Variants in NAV3 observed in about 807,000 individuals in gnomAD.
The protein encoded by NAV3 is pore membrane and/or filament interacting like protein 1.
NAV3 carries 87 observed loss-of-function variants against 244.7 expected under a neutral mutation model. The ratio of observed to expected loss-of-function variants is 0.36; its 90% confidence interval spans 0.30 to 0.42. The LOEUF (loss-of-function observed/expected upper bound fraction) is 0.42. NAV3 is among the 20% of genes least tolerant of loss of function. The pLI is 1.00. For missense variants in NAV3, 2,663 were observed against 2,893.3 expected, an observed-to-expected ratio of 0.92 and a Z score of 1.83; for synonymous variants, 1,126 against 1,042.2, an observed-to-expected ratio of 1.08 and a Z score of -1.55.
chr12:77,581,427 C>T (rs1348357550), intron 2 of NAV3, among the ~76,000 whole-genome samples: 1 of 152,114 alleles, frequency 6.6e-6, no homozygotes, highest in East Asian at 1.9e-4. Flanking sequence ...TTTCCTGCCA[C>T]ATATTACACT....
intron 2 of NAV3, among the ~76,000 whole-genome samples, chr12:77,641,338 C>G (rs548748994): frequency 2.3e-4 from 35 of 152,110 alleles, no homozygotes; most frequent in African/African-American, 6.3e-4. Context: ...GATGACATCA[C>G]AGAGCGGCAG....
chr12:77,835,097 G>A (rs1330951630), intron 1 of NAV3, among the ~76,000 whole-genome samples: 21 of 152,054 alleles, frequency 1.4e-4, no homozygotes, highest in Admixed American at 1.3e-3. Flanking sequence ...AGGGAACCAG[G>A]CTCTATTTTG....
At chr12:78,140,390 A>G in intron 20 of NAV3, 56 bp downstream of exon 20, 1 of 1,376,024 alleles carries the variant, frequency 7.3e-7, no homozygotes, top group Non-Finnish European at 1.0e-6. Context: ...ACAGATGATG[A>G]AATAGATCAT....
chr12:77,833,110 T>A (rs1873999880), intron 1 of NAV3, among the ~76,000 whole-genome samples: 1 of 152,176 alleles, frequency 6.6e-6, no homozygotes, highest in Non-Finnish European at 1.5e-5. Context: ...TCCCCACCAT[T>A]CCTCCTTCCC....
intron 2 of NAV3, among the ~76,000 whole-genome samples, chr12:77,643,802 G>T: frequency 6.6e-6 from 1 of 151,916 alleles, no homozygotes; most frequent in Non-Finnish European, 1.5e-5. Context: ...TTGCATATTA[G>T]GCAAGTATCA....
At chr12:78,081,133 T>C (rs1953328046) in intron 12 of NAV3, among the ~76,000 whole-genome samples, 2 of 152,208 alleles carry the variant, frequency 1.3e-5, no homozygotes, top group South Asian at 4.1e-4. Context: ...TTAATGTATA[T>C]ATTAAATATT....
intron 26 of NAV3, among the ~76,000 whole-genome samples, chr12:78,176,842 A>G (rs1386350899): frequency 6.6e-6 from 1 of 152,132 alleles, no homozygotes; most frequent in Non-Finnish European, 1.5e-5. Context: ...AGCATTGGGA[A>G]TGGAGATCCC....
At chr12:77,948,855 A>G (rs984661973) in intron 3 of NAV3, among the ~76,000 whole-genome samples, 3 of 151,916 alleles carry the variant, frequency 2.0e-5, no homozygotes, top group Admixed American at 6.6e-5. Context: ...GATAGTTTAT[A>G]TATTTAAATT....
chr12:77,678,640 C>G (rs533572994), intron 2 of NAV3, among the ~76,000 whole-genome samples: 61 of 152,204 alleles, frequency 4.0e-4, no homozygotes, highest in African/African-American at 1.4e-3. Flanking sequence ...TTCTAATGAC[C>G]AGCTCAATTG....
chr12:77,892,779 A>T (rs1480665068), intron 1 of NAV3, among the ~76,000 whole-genome samples: 1 of 152,182 alleles, frequency 6.6e-6, no homozygotes, highest in Non-Finnish European at 1.5e-5. Flanking sequence ...AAATTATTTG[A>T]ACCTATTAAA....
At chr12:77,584,879 T>C (rs948824898) in intron 2 of NAV3, among the ~76,000 whole-genome samples, 1 of 152,184 alleles carries the variant, frequency 6.6e-6, no homozygotes, top group African/African-American at 2.4e-5. Context: ...AAAAGGATTG[T>C]CAAATTCTGT....
chr12:78,207,047 G>A (rs150536167), intron 39 of NAV3, among the ~76,000 whole-genome samples: 253 of 151,644 alleles, frequency 1.7e-3, no homozygotes, highest in African/African-American at 5.8e-3. Flanking sequence ...TAATAGAGAC[G>A]GGGTTTCTCT....
At chr12:78,134,269 C>G (rs1188842585) in intron 18 of NAV3, among the ~76,000 whole-genome samples, 1 of 152,134 alleles carries the variant, frequency 6.6e-6, no homozygotes, top group Non-Finnish European at 1.5e-5. Flanking sequence ...CATAGAATCT[C>G]ACAGTCAGAA....
At chr12:78,191,113 A>C (rs533172249) in intron 34 of NAV3, among the ~76,000 whole-genome samples, 1 of 152,130 alleles carries the variant, frequency 6.6e-6, no homozygotes. Context: ...AGAAACCTGA[A>C]ATCTGCAAAT....
intron 2 of NAV3, among the ~76,000 whole-genome samples, chr12:77,715,025 G>A (rs1876296885): frequency 1.3e-5 from 2 of 151,994 alleles, no homozygotes; most frequent in African/African-American, 2.4e-5. Flanking sequence ...TGTAAGTGTA[G>A]ATGAATGGCA....
intron 9 of NAV3, 131 bp from the exon 10 acceptor site, chr12:78,049,862 A>G: frequency 1.7e-6 from 1 of 580,430 alleles, no homozygotes; most frequent in Non-Finnish European, 3.0e-6. Context: ...ATTTGTAGAT[A>G]ATAATAGTTA....
At chr12:77,854,204 G>T (rs1453444313) in intron 1 of NAV3, among the ~76,000 whole-genome samples, 1 of 152,084 alleles carries the variant, frequency 6.6e-6, no homozygotes, top group African/African-American at 2.4e-5. Flanking sequence ...TTAATAGAAA[G>T]CAATAGCCTA....
At chr12:77,677,448 A>C (rs534536966) in intron 2 of NAV3, among the ~76,000 whole-genome samples, 1 of 152,308 alleles carries the variant, frequency 6.6e-6, no homozygotes, top group African/African-American at 2.4e-5. Flanking sequence ...GCCATCTTAA[A>C]ATTCTTAATT....
At chr12:78,174,853 T>A (rs934441482) in intron 24 of NAV3, among the ~76,000 whole-genome samples, 14 of 152,006 alleles carry the variant, frequency 9.2e-5, no homozygotes, top group Admixed American at 7.9e-4. Flanking sequence ...ATGGTATGAT[T>A]CTATGAAATG....
Sources: gnomAD v4.1 joint callset for allele counts (sites outside exome capture counted in the v4.1 genomes callset) on GRCh38, gnomAD v4.1.1 for gene constraint, MANE v1.5 for transcripts, NCBI Gene and HGNC (gene_info 2026-07-23, HGNC 2026-07-21) for gene names.